Variants in CHSY1 observed in about 807,000 individuals in gnomAD.
The protein encoded by CHSY1 is N-acetylgalactosaminyl-proteoglycan 3-beta-glucuronosyltransferase 1.
A neutral mutation model predicts 59.8 loss-of-function variants in CHSY1; 13 were observed. The observed-to-expected ratio is 0.22, with a 90% CI of 0.14 to 0.35. The LOEUF (loss-of-function observed/expected upper bound fraction) is 0.35. Among genes scored for constraint, CHSY1 ranks in the 10% least tolerant of loss-of-function variants. The pLI is 1.00. For synonymous variants in CHSY1, 459 were observed against 401.2 expected (o/e 1.14, Z -1.72); for missense variants, 947 against 1,030.6 (o/e 0.92, Z 1.11).
intron 1 of CHSY1, among the ~76,000 whole-genome samples, chr15:101,238,747 A>C (rs2141277835): frequency 6.6e-6 from 1 of 152,362 alleles, no homozygotes; most frequent in East Asian, 1.9e-4. Flanking sequence ...CAAGAATAAC[A>C]ACAAAAAACA....
Position 101,178,785 on chromosome 15 carries a change from T to C in CHSY1, c.1012A>G (p.Ile338Val). Residue 338 changes from isoleucine (I) to valine (V), a missense_variant, in exon 3 of 3, where the codon ATT (isoleucine) becomes GTT (valine). Physicochemically the swap from Ile to Val is conservative, Grantham distance 29. Coordinates refer to ENST00000254190, the MANE Select transcript of CHSY1 (RefSeq NM_014918.5). ...RHRTIQLHRE[I>V]VLMSKYSNTE... ...TTGCTGTATTTGCTCATCAGGACAA[T>C]TTCGCGGTGCAGCTGTATTGTGCGA... 1 of 1,614,226 alleles carries C rather than the reference T, an allele frequency of 6.2e-7. No individual in the cohort carries two copies. Among genetic ancestry groups the C allele is most frequent in the South Asian group, 1.1e-5 (1 of 91,086 alleles).
intron 2 of CHSY1, among the ~76,000 whole-genome samples, chr15:101,219,857 C>T (rs113701008): frequency 2.4e-4 from 37 of 152,320 alleles, no homozygotes; most frequent in Middle Eastern, 3.4e-3. Context: ...ACCTCCACCT[C>T]CCAAGTTCAA....
chr15:101,234,255 A>G (rs2038918091), intron 2 of CHSY1, among the ~76,000 whole-genome samples: 1 of 152,260 alleles, frequency 6.6e-6, no homozygotes, highest in Non-Finnish European at 1.5e-5. Flanking sequence ...GATTAAAGTA[A>G]CTATCTGAAC....
chr15:101,239,122 T>C (rs2038976651), intron 1 of CHSY1, among the ~76,000 whole-genome samples: 1 of 152,238 alleles, frequency 6.6e-6, no homozygotes, highest in African/African-American at 2.4e-5. Context: ...ATGTTTTTCA[T>C]TTGGCAGTCG....
rs1269738205 is a variant in CHSY1, at chr15:101,251,704, G to A, written c.-248C>T. 3 of 147,854 alleles carry A rather than the reference G, an allele frequency of 2.0e-5. No homozygotes were observed. Among genetic ancestry groups the A allele is most frequent in the East Asian group, 2.0e-4 (1 of 5,078 alleles). The allele number at this position is 147,854 out of a possible 1,614,324, so 9.2% of individuals were successfully genotyped here. On this transcript the variant is annotated 5_prime_UTR_variant, in exon 1 of 3. Transcript: ENST00000254190. ...CCTTTAAGAGGGGACCATGCCCGGC[G>A]CGCGCTAGCGGCGGCTCGGGCGCGA...
chr15:101,189,905 C>A (rs983315777), intron 2 of CHSY1, among the ~76,000 whole-genome samples: 1 of 152,248 alleles, frequency 6.6e-6, no homozygotes, highest in Non-Finnish European at 1.5e-5. Context: ...TCCCGCAGCC[C>A]AGCTCCACCA....
At chr15:101,228,910 G>A (rs976343239) in intron 2 of CHSY1, among the ~76,000 whole-genome samples, 2 of 152,134 alleles carry the variant, frequency 1.3e-5, no homozygotes, top group Non-Finnish European at 2.9e-5. Flanking sequence ...ATAAATCTCT[G>A]TTGACTGGCA....
At chr15:101,231,449 G>A (rs991230169) in intron 2 of CHSY1, among the ~76,000 whole-genome samples, 2 of 152,204 alleles carry the variant, frequency 1.3e-5, no homozygotes, top group Non-Finnish European at 2.9e-5. Context: ...GGCAGAGGAA[G>A]GAAGACGTAT....
chr15:101,205,659 T>C (rs1005301100), intron 2 of CHSY1, among the ~76,000 whole-genome samples: 8 of 152,294 alleles, frequency 5.3e-5, no homozygotes, highest in African/African-American at 1.9e-4. Flanking sequence ...ATTTTAATTT[T>C]GAAGATTGTT....
chr15:101,196,624 A>G (rs915846963), intron 2 of CHSY1, among the ~76,000 whole-genome samples: 1 of 152,232 alleles, frequency 6.6e-6, no homozygotes, highest in African/African-American at 2.4e-5. Flanking sequence ...TAAACTATAT[A>G]CACTAGGAAC....
chr15:101,241,878 A>T (rs1048287459), intron 1 of CHSY1, among the ~76,000 whole-genome samples: 1 of 152,198 alleles, frequency 6.6e-6, no homozygotes, highest in Non-Finnish European at 1.5e-5. Flanking sequence ...CCCAAAATCC[A>T]CAGACGCTTT....
chr15:101,244,690 A>C (rs954451969), intron 1 of CHSY1, among the ~76,000 whole-genome samples: 1 of 152,254 alleles, frequency 6.6e-6, no homozygotes, highest in Non-Finnish European at 1.5e-5. Flanking sequence ...CTTTAAACAC[A>C]GAAGGGCTTT....
intron 2 of CHSY1, among the ~76,000 whole-genome samples, chr15:101,224,722 C>T (rs1253481687): frequency 6.6e-6 from 1 of 152,168 alleles, no homozygotes; most frequent in African/African-American, 2.4e-5. Context: ...CACACACACG[C>T]TTACACTTCT....
chr15:101,231,649 T>C (rs2038894057), intron 2 of CHSY1, among the ~76,000 whole-genome samples: 1 of 152,254 alleles, frequency 6.6e-6, no homozygotes, highest in African/African-American at 2.4e-5. Context: ...ACTGGTTGCC[T>C]GCGTGCAGTC....
intron 2 of CHSY1, among the ~76,000 whole-genome samples, chr15:101,219,388 C>T (rs1167081217): frequency 1.3e-5 from 2 of 152,176 alleles, no homozygotes; most frequent in Non-Finnish European, 2.9e-5. Context: ...GGCTGAGGCC[C>T]TGGTAGATTT....
At position 101,251,995 on chromosome 15, in the gene CHSY1, G is replaced by C. The variant is rs1388660747; in HGVS notation, c.-539C>G. ...TATGAAGTGGCCCCGCCGGCGGCGA[G>C]CCGTGGCCCCTCTCGGGATCCGTCC... On this transcript the variant is annotated 5_prime_UTR_variant, in exon 1 of 3. Transcript: ENST00000254190. The C allele has an allele frequency of 6.6e-6, 1 of 151,044 alleles. No individual in the cohort carries two copies. Among genetic ancestry groups the C allele is most frequent in the South Asian group, 2.1e-4 (1 of 4,838 alleles). The allele number at this position is 151,044 out of a possible 1,614,324, so 9.4% of individuals were successfully genotyped here. A position where few individuals can be genotyped will look rare whatever the true frequency, so the allele number is the denominator to read the frequency against.
chr15:101,230,255 G>A (rs1275040451), intron 2 of CHSY1, among the ~76,000 whole-genome samples: 1 of 152,132 alleles, frequency 6.6e-6, no homozygotes, highest in Non-Finnish European at 1.5e-5. Flanking sequence ...ATAATGGATA[G>A]AACATGCAGC....
At chr15:101,209,134 T>C (rs978424104) in intron 2 of CHSY1, among the ~76,000 whole-genome samples, 13 of 152,214 alleles carry the variant, frequency 8.5e-5, no homozygotes, top group African/African-American at 2.9e-4. Context: ...GTTTTCCTAA[T>C]CACTCTACCT....
chr15:101,230,323 T>C (rs1050515589), intron 2 of CHSY1, among the ~76,000 whole-genome samples: 3 of 152,200 alleles, frequency 2.0e-5, no homozygotes, highest in Non-Finnish European at 4.4e-5. Context: ...TTCTCAGGCC[T>C]GCGAGTTTAA....
Sources: gnomAD v4.1 joint callset for allele counts (sites outside exome capture counted in the v4.1 genomes callset) on GRCh38, gnomAD v4.1.1 for gene constraint, MANE v1.5 for transcripts, NCBI Gene and HGNC (gene_info 2026-07-23, HGNC 2026-07-21) for gene names.